Variants in CYP2J2 observed in about 807,000 individuals in gnomAD.
CYP2J2 encodes the protein cytochrome P450 family 2 subfamily J member 2.
CYP2J2 carries 41 observed loss-of-function variants against 48.8 expected under a neutral mutation model. The observed-to-expected ratio is 0.84, with a 90% CI of 0.66 to 1.09. The LOEUF is 1.09. Ranked by LOEUF, CYP2J2 falls within the 50% of genes least tolerant of loss-of-function variation. CYP2J2 has a pLI of 0.00. For missense variants in CYP2J2, 644 were observed against 617.3 expected (o/e 1.04, Z -0.46); for synonymous variants, 221 against 227.1 (o/e 0.97, Z 0.24).
chr1:59,894,595 C>A (rs998528139), intron 8 of CYP2J2, among the ~76,000 whole-genome samples: 2 of 152,150 alleles, frequency 1.3e-5, no homozygotes, highest in African/African-American at 4.8e-5. Context: ...ATTAAACAAC[C>A]TCTCTAGGAA....
the CYP2J2 span, among the ~76,000 whole-genome samples, chr1:59,963,345 A>C: frequency 5.3e-5 from 8 of 151,998 alleles, no homozygotes. Flanking sequence ...TTAAGCCATA[A>C]CTCCTTCATC....
chr1:59,962,528 A>T, the CYP2J2 span, among the ~76,000 whole-genome samples: 1 of 152,236 alleles, frequency 6.6e-6, no homozygotes, highest in South Asian at 2.1e-4. Flanking sequence ...AGAGCTGGTA[A>T]GATTGAAAAT....
chr1:59,920,871 A>G (rs994764027), intron 1 of CYP2J2, among the ~76,000 whole-genome samples: 1 of 152,146 alleles, frequency 6.6e-6, no homozygotes, highest in African/African-American at 2.4e-5. Context: ...TATTGTTGTG[A>G]TAAGTAATCA....
At chr1:59,912,610 G>A (rs1424597139) in intron 2 of CYP2J2, 8 of 261,870 alleles carry the variant, frequency 3.1e-5, no homozygotes, top group Non-Finnish European at 5.1e-5. Flanking sequence ...AAAAACTGAG[G>A]AACAAGGGAT....
At chr1:59,902,527 TG>T (rs1644329647) in intron 7 of CYP2J2, among the ~76,000 whole-genome samples, 6 of 152,210 alleles carry the variant, frequency 3.9e-5, no homozygotes, top group African/African-American at 1.4e-4. Context: ...GCAATTCTCC[TG>T]CCTCAGCCTC....
the CYP2J2 span, among the ~76,000 whole-genome samples, chr1:59,967,043 C>T: frequency 1.3e-5 from 2 of 152,084 alleles, no homozygotes; most frequent in Admixed American, 6.5e-5. Flanking sequence ...CTCTGTTTTT[C>T]TCCCCTGAAA....
chr1:59,909,470 A>G (rs1644392628), intron 5 of CYP2J2, among the ~76,000 whole-genome samples: 1 of 152,196 alleles, frequency 6.6e-6, no homozygotes, highest in South Asian at 2.1e-4. Flanking sequence ...AGAGAAGAGA[A>G]GATGCTGTGC....
At chr1:59,928,829 T>C (rs959198969), upstream of CYP2J2, among the ~76,000 whole-genome samples, 6 of 152,190 alleles carry the variant, frequency 3.9e-5, no homozygotes, top group African/African-American at 1.4e-4. Context: ...GGTAATTCTA[T>C]GAGAACAAGA....
intron 6 of CYP2J2, among the ~76,000 whole-genome samples, chr1:59,905,955 C>T (rs865822836): frequency 6.6e-6 from 1 of 152,140 alleles, no homozygotes; most frequent in African/African-American, 2.4e-5. Context: ...GGGAGGCCAA[C>T]GCAGGCGGAT....
At chr1:59,922,811 T>C (rs991349113) in intron 1 of CYP2J2, among the ~76,000 whole-genome samples, 1 of 152,194 alleles carries the variant, frequency 6.6e-6, no homozygotes, top group Non-Finnish European at 1.5e-5. Context: ...AGAAACCATT[T>C]AGCCTTTTTA....
chr1:59,955,175 A>AAATAATT, the CYP2J2 span, among the ~76,000 whole-genome samples: 1 of 149,352 alleles, frequency 6.7e-6, no homozygotes, highest in African/African-American at 2.4e-5. Context: ...ATAAATAATT[A>AAATAATT]AAAAAATAAA....
At chr1:59,962,211 A>G in the CYP2J2 span, among the ~76,000 whole-genome samples, 2 of 152,266 alleles carry the variant, frequency 1.3e-5, no homozygotes, top group African/African-American at 4.8e-5. Flanking sequence ...TTTATCATAC[A>G]GAAATTGCTG....
the CYP2J2 span, among the ~76,000 whole-genome samples, chr1:59,932,630 A>T: frequency 6.6e-6 from 1 of 152,122 alleles, no homozygotes; most frequent in African/African-American, 2.4e-5. Flanking sequence ...AGAAACTGAG[A>T]TATACATACA....
the CYP2J2 span, among the ~76,000 whole-genome samples, chr1:59,937,339 T>C: frequency 4.6e-5 from 7 of 152,164 alleles, no homozygotes; most frequent in African/African-American, 1.7e-4. Flanking sequence ...TAATAATGGC[T>C]ATGGCTAGTT....
intron 1 of CYP2J2, among the ~76,000 whole-genome samples, chr1:59,926,120 CAGTT>C (rs760829107): frequency 6.6e-6 from 1 of 152,052 alleles, no homozygotes; most frequent in Non-Finnish European, 1.5e-5. Flanking sequence ...CTGGAGGGCT[CAGTT>C]AGTGTAGTGG....
chr1:59,937,988 ACTTT>A, the CYP2J2 span, among the ~76,000 whole-genome samples: 2 of 151,962 alleles, frequency 1.3e-5, no homozygotes, highest in African/African-American at 4.8e-5. Flanking sequence ...CGTTATCTTG[ACTTT>A]CTTTGAGTTT....
the CYP2J2 span, among the ~76,000 whole-genome samples, chr1:59,945,631 T>G: frequency 6.6e-6 from 1 of 152,204 alleles, no homozygotes; most frequent in Non-Finnish European, 1.5e-5. Flanking sequence ...TTTCCTTTTC[T>G]TCAGAATTTC....
intron 5 of CYP2J2, among the ~76,000 whole-genome samples, chr1:59,908,977 G>A (rs1427214311): frequency 1.3e-5 from 2 of 152,156 alleles, no homozygotes; most frequent in Non-Finnish European, 2.9e-5. Flanking sequence ...AAAATGGTAG[G>A]TCATTGGGTC....
chr1:59,928,215 T>C (rs1374817128), upstream of CYP2J2, among the ~76,000 whole-genome samples: 8 of 152,160 alleles, frequency 5.3e-5, no homozygotes, highest in Admixed American at 5.2e-4. Context: ...TAAAGAATGA[T>C]GCAGGGGAAT....
Sources: gnomAD v4.1 joint callset for allele counts (sites outside exome capture counted in the v4.1 genomes callset) on GRCh38, gnomAD v4.1.1 for gene constraint, MANE v1.5 for transcripts, NCBI Gene and HGNC (gene_info 2026-07-23, HGNC 2026-07-21) for gene names.